Variants in GALNT13 observed in about 807,000 individuals in gnomAD.
GALNT13 encodes the protein polypeptide N-acetylgalactosaminyltransferase 13, also known as UDP-GalNAc:polypeptide N-acetylgalactosaminyltransferase 13.
GALNT13 carries 28 observed loss-of-function variants against 64.2 expected under a neutral mutation model. The observed-to-expected ratio is 0.44, with a 90% CI of 0.32 to 0.60. The LOEUF is 0.60. Ranked by LOEUF, GALNT13 falls within the 20% of genes least tolerant of loss-of-function variation. GALNT13 has a pLI of 0.05. For missense variants in GALNT13, 577 were observed against 669.8 expected, an observed-to-expected ratio of 0.86 and a Z score of 1.53; for synonymous variants, 214 against 224.6, an observed-to-expected ratio of 0.95 and a Z score of 0.42.
the GALNT13 span, among the ~76,000 whole-genome samples, chr2:153,163,732 C>T: frequency 1.3e-5 from 2 of 152,146 alleles, no homozygotes; most frequent in Non-Finnish European, 2.9e-5. Flanking sequence ...AAAATGTGGT[C>T]AGGCTGGCCG....
intron 4 of GALNT13, among the ~76,000 whole-genome samples, chr2:154,160,498 C>T (rs1684668780): frequency 6.6e-6 from 1 of 152,076 alleles, no homozygotes; most frequent in Non-Finnish European, 1.5e-5. Context: ...CTTCTTCAAC[C>T]ACTGACTTTT....
At chr2:153,806,910 C>T in the GALNT13 span, among the ~76,000 whole-genome samples, 1 of 120,998 alleles carries the variant, frequency 8.3e-6, no homozygotes, top group Admixed American at 1.0e-4. Context: ...AAGATGTACA[C>T]TTTGGTGAAA....
chr2:154,080,216 A>C (rs1318890018), intron 3 of GALNT13, among the ~76,000 whole-genome samples: 1 of 151,614 alleles, frequency 6.6e-6, no homozygotes, highest in East Asian at 1.9e-4. Context: ...TTCATTCTGC[A>C]AAAAATTCAC....
chr2:154,235,450 G>A (rs1266823611), intron 4 of GALNT13, among the ~76,000 whole-genome samples: 1 of 152,102 alleles, frequency 6.6e-6, no homozygotes, highest in African/African-American at 2.4e-5. Flanking sequence ...GGTTGCCCAA[G>A]TTTTGTTTGC....
At chr2:153,658,519 C>T in the GALNT13 span, among the ~76,000 whole-genome samples, 13 of 152,112 alleles carry the variant, frequency 8.5e-5, no homozygotes, top group African/African-American at 2.9e-4. Context: ...ATTTATATTT[C>T]TGATTAGCAT....
At chr2:153,716,553 C>T in the GALNT13 span, among the ~76,000 whole-genome samples, 1 of 152,016 alleles carries the variant, frequency 6.6e-6, no homozygotes, top group South Asian at 2.1e-4. Context: ...TTCAGAAAAA[C>T]CTCTATGAGT....
chr2:154,442,331 G>C (rs527459781), intron 12 of GALNT13, among the ~76,000 whole-genome samples: 1 of 152,020 alleles, frequency 6.6e-6, no homozygotes, highest in Non-Finnish European at 1.5e-5. Flanking sequence ...GCACATGTTA[G>C]TAATAAATGC....
the GALNT13 span, among the ~76,000 whole-genome samples, chr2:153,720,393 AC>A: frequency 0.015 from 2,275 of 151,454 alleles, 51 homozygotes; most frequent in African/African-American, 0.052. Context: ...AAACTCTAAA[AC>A]GCAGAGCGCC....
At chr2:154,348,811 A>G (rs1013359988) in intron 9 of GALNT13, among the ~76,000 whole-genome samples, 3 of 152,106 alleles carry the variant, frequency 2.0e-5, no homozygotes, top group Admixed American at 6.6e-5. Flanking sequence ...CGGAGTTTGC[A>G]TGTTATTCAG....
intron 4 of GALNT13, among the ~76,000 whole-genome samples, chr2:154,191,834 G>A (rs1573846668): frequency 6.6e-6 from 1 of 152,096 alleles, no homozygotes; most frequent in Non-Finnish European, 1.5e-5. Flanking sequence ...GTTACCATGT[G>A]CCCTTTTAGT....
chr2:153,301,677 G>A, the GALNT13 span, among the ~76,000 whole-genome samples: 1 of 152,026 alleles, frequency 6.6e-6, no homozygotes, highest in Non-Finnish European at 1.5e-5. Flanking sequence ...TGTATCCTTT[G>A]TACCAAGATC....
intron 4 of GALNT13, among the ~76,000 whole-genome samples, chr2:154,142,441 C>T (rs1487088930): frequency 6.7e-6 from 1 of 148,780 alleles, no homozygotes; most frequent in Non-Finnish European, 1.5e-5. Context: ...CCCAGCTACT[C>T]AGGAGGCTGA....
chr2:153,815,690 T>C, the GALNT13 span, among the ~76,000 whole-genome samples: 1 of 152,176 alleles, frequency 6.6e-6, no homozygotes, highest in Non-Finnish European at 1.5e-5. Context: ...TTTTCCATTC[T>C]TAATTTTTTT....
chr2:153,814,394 A>C, the GALNT13 span, among the ~76,000 whole-genome samples: 3 of 152,124 alleles, frequency 2.0e-5, no homozygotes, highest in Non-Finnish European at 4.4e-5. Context: ...AAGCCGAGAT[A>C]GCGCCACTGC....
chr2:154,142,130 C>A (rs1683289928), intron 4 of GALNT13, among the ~76,000 whole-genome samples: 1 of 152,130 alleles, frequency 6.6e-6, no homozygotes, highest in Non-Finnish European at 1.5e-5. Flanking sequence ...TCTCTACATG[C>A]AATAGAACAT....
chr2:153,489,108 C>T, the GALNT13 span, among the ~76,000 whole-genome samples: 1 of 151,998 alleles, frequency 6.6e-6, no homozygotes, highest in Admixed American at 6.6e-5. Context: ...TAATAGACAT[C>T]GGAGACCAGA....
chr2:153,951,317 G>A (rs1206907981), intron 3 of GALNT13, among the ~76,000 whole-genome samples: 1 of 152,176 alleles, frequency 6.6e-6, no homozygotes, highest in Non-Finnish European at 1.5e-5. Flanking sequence ...GATAAGAGTT[G>A]TGTCACAGAA....
At chr2:153,511,958 A>G in the GALNT13 span, among the ~76,000 whole-genome samples, 1 of 152,234 alleles carries the variant, frequency 6.6e-6, no homozygotes, top group Admixed American at 6.5e-5. Flanking sequence ...GGCAAAAAGG[A>G]AAGTTCTTGA....
At chr2:153,400,701 GT>G in the GALNT13 span, among the ~76,000 whole-genome samples, 1 of 152,164 alleles carries the variant, frequency 6.6e-6, no homozygotes, top group Non-Finnish European at 1.5e-5. Flanking sequence ...AGATTTTGTA[GT>G]TTATTTGCGT....
Sources: allele counts gnomAD v4.1 joint callset (sites outside exome capture counted in the v4.1 genomes callset), GRCh38; gene constraint gnomAD v4.1.1; transcripts MANE v1.5; gene names NCBI Gene and HGNC (gene_info 2026-07-23, HGNC 2026-07-21).